Variants in VAV1 observed in about 807,000 individuals in gnomAD.
VAV1 encodes vav guanine nucleotide exchange factor 1.
Under a neutral mutation model 128.1 loss-of-function variants are expected in VAV1, and 33 were observed. That is an observed-to-expected ratio of 0.26 (90% CI 0.20 to 0.34). The LOEUF (loss-of-function observed/expected upper bound fraction) is 0.34, where lower values mean the gene tolerates loss of function less well. Among genes scored for constraint, VAV1 ranks in the 10% least tolerant of loss-of-function variants. The pLI, the probability that VAV1 is intolerant of heterozygous loss-of-function variation, is 1.00. For synonymous variants in VAV1, 394 were observed against 409.8 expected (o/e 0.96, Z 0.47); for missense variants, 715 against 1,093.7 (o/e 0.65, Z 4.88).
chr19:6,796,043 C>T (rs1451081106), intron 1 of VAV1, among the ~76,000 whole-genome samples: 1 of 152,128 alleles, frequency 6.6e-6, no homozygotes, highest in Non-Finnish European at 1.5e-5. Flanking sequence ...CATGAGCTAC[C>T]AGGACATGAC....
rs936943603 is a variant in VAV1, at chr19:6,833,939, A to G, written c.1763A>G (p.Lys588Arg). Residue 588 changes from lysine (K) to arginine (R), a missense_variant, in exon 19 of 27, where the codon AAG becomes AGG. This residue lies in a region of VAV1 where 407 missense variants were observed against 580.6 expected (regional missense o/e 0.70). Coordinates refer to ENST00000602142, the MANE Select transcript of VAV1 (RefSeq NM_005428.4). The stretch of plus-strand genomic sequence containing the variant: ...CTACATCGCAGGGCTCAGGACAAAA[A>G]GAGGAATGAGCTGGGTGAGTTGGCA... ...DKLHRRAQDK[K>R]RNELGLPKME... 6.2e-7 allele frequency: 1 copy of G among 1,613,924 alleles called. No homozygotes were observed. The highest frequency in any genetic ancestry group is 1.7e-5 in the Admixed American group (1 of 59,966).
rs1568299221 is a variant in VAV1, at chr19:6,814,676, CTTT to C, written c.205-6025_205-6023del. 1.5e-3 allele frequency among the ~76,000 whole-genome samples: 150 copies of C among 97,314 alleles called. 1 individual carries two copies. Among genetic ancestry groups the C allele is most frequent in the African/African-American group, 6.2e-3 (122 of 19,682 alleles). 63.8% of individuals were successfully genotyped at this position (97,314 alleles called of 152,430 possible). A position where few individuals can be genotyped will look rare whatever the true frequency, so the allele number is the denominator to read the frequency against. Reference sequence around the variant, plus strand: ...CCTTCCTTCCTTCCTTCCTTCCTTTCTTTCTTTCTTTCTTTCTTTCTTTCTTTC... The same window carrying C: ...CCTTCCTTCCTTCCTTCCTTCCTTTCCTTTCTTTCTTTCTTTCTTTCTTTC... On this transcript the variant is annotated intron_variant, in intron 1 of 26. Transcript: ENST00000602142.
chr19:6,842,941 A>G (rs1972415235), intron 21 of VAV1, among the ~76,000 whole-genome samples, 194 bp from the exon 22 acceptor site: 1 of 152,158 alleles, frequency 6.6e-6, no homozygotes, highest in African/African-American at 2.4e-5. Context: ...CCCCTGCTTT[A>G]TATGATACTG....
chr19:6,800,167 A>G (rs977349970), intron 1 of VAV1, among the ~76,000 whole-genome samples: 1 of 151,854 alleles, frequency 6.6e-6, no homozygotes, highest in African/African-American at 2.4e-5. Context: ...AAATGTACCA[A>G]CTTTTCTTCC....
In VAV1 at chr19:6,829,916, A is replaced by C; in HGVS notation, c.1396A>C (p.Lys466Gln). The C allele has an allele frequency of 6.2e-7, 1 of 1,614,082 alleles. No homozygotes were observed. Among genetic ancestry groups the C allele is most frequent in the Admixed American group, 1.7e-5 (1 of 60,006 alleles). The change falls in exon 14 of 27, where the codon AAG (lysine) becomes CAG (glutamine). Residue 466 changes from lysine (K) to glutamine (Q), a missense_variant and splice_region_variant. Around this residue, in one of 3 missense-constraint regions of VAV1, gnomAD observed 407 missense variants for 580.6 expected, o/e 0.70. Transcript: ENST00000602142. ...DDSSGDRDNK[K>Q]WSHMFLLIED... ...CTCTTCAGGAGACCGAGACAACAAG[A>C]AGGTGGGGCTTTGACGCCGGAACTA... is the stretch of plus-strand genomic sequence containing the variant.
Position 6,822,145 on chromosome 19 carries a change from C to T in VAV1, c.450-76C>T. On this transcript the variant is annotated intron_variant, in intron 4 of 26. Coordinates refer to ENST00000602142, the MANE Select transcript of VAV1 (RefSeq NM_005428.4). The surrounding 1 kb of genome is among the most constrained non-coding windows in gnomAD (Gnocchi z 5.9). ...CCCTTGGAGTCTTGGGGGGACAAAGCCCTGCGCTGGGGTCTGCGGGGACCC... is the reference window on the plus strand; with the variant it reads ...CCCTTGGAGTCTTGGGGGGACAAAGTCCTGCGCTGGGGTCTGCGGGGACCC... 2 of 1,418,028 alleles carry T rather than the reference C, an allele frequency of 1.4e-6. No individual in the cohort carries two copies. Among genetic ancestry groups the T allele is most frequent in the Non-Finnish European group, 9.7e-7 (1 of 1,030,698 alleles). The allele number at this position is 1,418,028 out of a possible 1,614,324, so 87.8% of individuals were successfully genotyped here. A position where few individuals can be genotyped will look rare whatever the true frequency, so the allele number is the denominator to read the frequency against.
intron 22 of VAV1, among the ~76,000 whole-genome samples, chr19:6,845,933 ATTAT>A (rs1972509244): frequency 6.7e-6 from 1 of 148,568 alleles, no homozygotes; most frequent in Admixed American, 6.7e-5. Context: ...ATTAACATTT[ATTAT>A]TTATATTGCA....
In VAV1 at chr19:6,828,313, T is replaced by C. The variant is rs908102516; in HGVS notation, c.1024-106T>C. 86 of 1,539,278 alleles carry C rather than the reference T, an allele frequency of 5.6e-5. 1 individual carries two copies. Among genetic ancestry groups the C allele is most frequent in the African/African-American group, 8.2e-5 (6 of 73,230 alleles). ...TGGGGTCATGTCTCAGCCTCCAGGG[T>C]CAGCAGTACGATGGAGGAGCTGGTG... On this transcript the variant is annotated intron_variant, in intron 10 of 26. Coordinates refer to ENST00000602142, the MANE Select transcript of VAV1 (RefSeq NM_005428.4). The surrounding 1 kb of genome is among the most constrained non-coding windows in gnomAD (Gnocchi z 4.5).
At chr19:6,795,349 C>A (rs368328179) in intron 1 of VAV1, among the ~76,000 whole-genome samples, 1 of 152,092 alleles carries the variant, frequency 6.6e-6, no homozygotes, top group Non-Finnish European at 1.5e-5. Context: ...AATGACCCTC[C>A]TTCTCTGAAC....
At chr19:6,814,671 C>CTTCCTTTCTTT (rs540074087) in intron 1 of VAV1, among the ~76,000 whole-genome samples, 1 of 25,796 alleles carries the variant, frequency 3.9e-5, no homozygotes, top group Non-Finnish European at 7.1e-5. Context: ...TTCCTTCCTT[C>CTTCCTTTCTTT]CTTTCTTTCT....
intron 6 of VAV1, among the ~76,000 whole-genome samples, chr19:6,823,130 CTT>C (rs11292307): frequency 1.3e-4 from 18 of 143,170 alleles, no homozygotes; most frequent in East Asian, 4.0e-4. Context: ...ATCTATCTAT[CTT>C]TTTTTTTTTT....
intron 22 of VAV1, among the ~76,000 whole-genome samples, chr19:6,845,687 C>T (rs1972503112): frequency 6.7e-6 from 1 of 148,912 alleles, no homozygotes; most frequent in African/African-American, 2.4e-5. Flanking sequence ...ATTTATGTTG[C>T]ACATTTATGT....
intron 24 of VAV1, among the ~76,000 whole-genome samples, chr19:6,852,137 C>G (rs554332916): frequency 1.3e-5 from 2 of 152,328 alleles, no homozygotes; most frequent in East Asian, 3.9e-4. Flanking sequence ...CCTCAGCCTC[C>G]TGAATAGCTG....
intron 14 of VAV1, among the ~76,000 whole-genome samples, chr19:6,830,869 C>T (rs1890712675): frequency 6.6e-6 from 1 of 152,096 alleles, no homozygotes; most frequent in South Asian, 2.1e-4. Context: ...GGGAGAATTG[C>T]TTGAGCCCAG....
chr19:6,855,387 T>C (rs1972767378), intron 26 of VAV1, among the ~76,000 whole-genome samples: 1 of 152,042 alleles, frequency 6.6e-6, no homozygotes, highest in African/African-American at 2.4e-5. Context: ...CATCCATCCA[T>C]CCATCCATCC....
At chr19:6,816,515 A>G (rs1322229336) in intron 1 of VAV1, 1 of 151,738 alleles carries the variant, frequency 6.6e-6, no homozygotes, top group Non-Finnish European at 1.5e-5. Context: ...TCACACGCAC[A>G]CAGACACATA....
rs34312529 is a variant in VAV1, at chr19:6,800,792, T to TTGTGTGTGTG, written c.205-19901_205-19892dup. Among the ~76,000 whole-genome samples, 383 of 147,710 alleles carry TTGTGTGTGTG rather than the reference T, an allele frequency of 2.6e-3. 1 individual carries two copies. The highest frequency in any genetic ancestry group is 9.3e-3 in the African/African-American group (378 of 40,442). On this transcript the variant is annotated intron_variant, in intron 1 of 26. Coordinates refer to ENST00000602142, the MANE Select transcript of VAV1 (RefSeq NM_005428.4). ...GCCTGTCACCACGCCTGGCAAATTTTTGTGTGTGTGTGTGTGTGCAGTCGG... is the reference window on the plus strand; with the variant it reads ...GCCTGTCACCACGCCTGGCAAATTTTTGTGTGTGTGTGTGTGTGTGTGTGTGTGCAGTCGG...
intron 21 of VAV1, among the ~76,000 whole-genome samples, chr19:6,838,057 G>C (rs775415295): frequency 2.6e-5 from 4 of 152,012 alleles, no homozygotes; most frequent in Non-Finnish European, 5.9e-5. Flanking sequence ...TCTGCTGCAA[G>C]AAAGAGCTGT....
At chr19:6,845,796 A>G (rs915288983) in intron 22 of VAV1, among the ~76,000 whole-genome samples, 1 of 147,986 alleles carries the variant, frequency 6.8e-6, no homozygotes, top group Admixed American at 6.8e-5. Flanking sequence ...TATGTATAAT[A>G]TATAACTAAT....
Sources: gnomAD v4.1 joint callset for allele counts (sites outside exome capture counted in the v4.1 genomes callset) on GRCh38, gnomAD v4.1.1 for gene constraint, gnomAD v4.1.1 regional missense constraint, Gnocchi (gnomAD v3.1) non-coding constraint, MANE v1.5 for transcripts, NCBI Gene and HGNC (gene_info 2026-07-23, HGNC 2026-07-21) for gene names.